Variants in SMIM7 observed in about 807,000 individuals in gnomAD.
SMIM7 encodes small integral membrane protein 7.
SMIM7 carries 12 observed loss-of-function variants against 13.3 expected under a neutral mutation model. The ratio of observed to expected loss-of-function variants is 0.90; its 90% CI spans 0.58 to 1.46. The LOEUF (loss-of-function observed/expected upper bound fraction) is 1.46. SMIM7 is among the 40% of genes most tolerant of loss of function. The probability of loss-of-function intolerance (pLI) is 0.00; values close to 1 mark genes in which losing one functional copy is unlikely to be tolerated. For synonymous variants in SMIM7, 36 were observed against 35.8 expected (o/e 1.01, Z -0.02); for missense variants, 114 against 94.8 (o/e 1.20, Z -0.84).
chr19:16,639,749 G>A (rs1290133898), intron 4 of SMIM7, among the ~76,000 whole-genome samples: 1 of 152,094 alleles, frequency 6.6e-6, no homozygotes, highest in Admixed American at 6.6e-5. Context: ...GTTCTCACGA[G>A]ATCTGATGTT....
chr19:16,635,384 CAG>C (rs1638716219), intron 4 of SMIM7: 2 of 149,574 alleles, frequency 1.3e-5, no homozygotes, highest in South Asian at 4.2e-4. Flanking sequence ...AAAAAAAGTC[CAG>C]CCCAGAGCTC....
intron 2 of SMIM7, 138 bp from the exon 3 acceptor site, chr19:16,659,585 C>A: frequency 1.2e-6 from 1 of 831,946 alleles, no homozygotes; most frequent in South Asian, 1.6e-5. Flanking sequence ...CTCTGACGTT[C>A]AATACCCTTC....
At chr19:16,656,898 C>CAA (rs796950207) in intron 3 of SMIM7, among the ~76,000 whole-genome samples, 2 of 137,346 alleles carry the variant, frequency 1.5e-5, no homozygotes, top group African/African-American at 2.7e-5. Context: ...GGCTCCATCT[C>CAA]AAAAAAAAAA....
intron 4 of SMIM7, among the ~76,000 whole-genome samples, chr19:16,649,143 T>C (rs898620204): frequency 1.3e-5 from 2 of 152,070 alleles, no homozygotes; most frequent in Non-Finnish European, 2.9e-5. Context: ...GAATGTAAAA[T>C]GTCGTAGCTA....
intron 2 of SMIM7, 139 bp downstream of exon 2, chr19:16,659,820 T>G (rs1004008222): frequency 8.9e-7 from 1 of 1,118,818 alleles, no homozygotes; most frequent in African/African-American, 1.6e-5. Context: ...TAAACCAGGC[T>G]GGAGGCGTGC....
intron 4 of SMIM7, 35 bp from the exon 5 acceptor site, chr19:16,647,296 A>C (rs1185910302): frequency 1.2e-6 from 2 of 1,613,344 alleles, no homozygotes. Context: ...GTCTGTGAGG[A>C]TAGGAGGTGA....
chr19:16,645,743 C>T (rs926534430), downstream of SMIM7: 15 of 148,920 alleles, frequency 1.0e-4, no homozygotes, highest in African/African-American at 3.5e-4. Context: ...CTCACTGCAA[C>T]CTCCGCCTCC....
In SMIM7 at chr19:16,637,828, T is replaced by C. The variant is rs1159690946; in HGVS notation, c.*138-6104A>G. 2.6e-5 allele frequency among the ~76,000 whole-genome samples: 4 copies of C among 152,234 alleles called. 1 individual carries two copies. The South Asian group carries it at 8.3e-4, about 31-fold the overall frequency. ...TGGGTCAGACTTTGACCATCTGTTA[T>C]GGACTGAATTGTGTCACCTACCCAT... is the stretch of plus-strand genomic sequence containing the variant. On this transcript the variant is annotated intron_variant and NMD_transcript_variant, in intron 4 of 4. Coordinates refer to the SMIM7 transcript ENST00000465250.
intron 4 of SMIM7, among the ~76,000 whole-genome samples, chr19:16,638,465 G>A (rs554401307): frequency 6.4e-4 from 97 of 151,218 alleles, no homozygotes; most frequent in African/African-American, 2.2e-3. Context: ...CACCATGCCC[G>A]GCTAATTTTT....
rs148539556 is a variant in SMIM7 at position 16,656,474 on chromosome 19, C to T, written c.122-2349G>A. On this transcript the variant is annotated intron_variant, in intron 3 of 4. Transcript: ENST00000487416. ...AGACCGGTGGCTCTGCCCCAACAAG[C>T]ATATGGGGAGGAGAAATACTAAACA... 3.5e-3 allele frequency among the ~76,000 whole-genome samples: 532 copies of T among 152,204 alleles called. 9 individuals carry two copies. Among genetic ancestry groups the T allele is most frequent in the Admixed American group, 0.027 (412 of 15,264 alleles).
At chr19:16,645,595 C>A (rs1280214749), downstream of SMIM7, 1 of 151,978 alleles carries the variant, frequency 6.6e-6, no homozygotes, top group Non-Finnish European at 1.5e-5. Context: ...CAAGAGCCCA[C>A]CATTAGCAAT....
At chr19:16,651,785 C>T (rs1165758725) in intron 4 of SMIM7, among the ~76,000 whole-genome samples, 1 of 148,832 alleles carries the variant, frequency 6.7e-6, no homozygotes, top group Non-Finnish European at 1.5e-5. Flanking sequence ...TTCCCTGCCC[C>T]AGGACCTTTG....
At position 16,647,096 on chromosome 19, in the gene SMIM7, C is replaced by T. The variant is rs554670782; in HGVS notation, c.*150G>A. ...GACGTGGCTGGGAAACCATGCACAC[C>T]TCGGCGAACACTTTTCCACCCACCA... On this transcript the variant is annotated 3_prime_UTR_variant, in exon 5 of 5. Transcript: ENST00000487416. The T allele has an allele frequency of 2.0e-5, 19 of 962,142 alleles. No homozygotes were observed. In the East Asian group the frequency reaches 2.5e-4, roughly 13 times the overall value. The allele number at this position is 962,142 out of a possible 1,614,324, so 59.6% of individuals were successfully genotyped here.
At chr19:16,633,401 A>G (rs2122483587) in intron 4 of SMIM7, among the ~76,000 whole-genome samples, 1 of 148,494 alleles carries the variant, frequency 6.7e-6, no homozygotes, top group Non-Finnish European at 1.5e-5. Context: ...GGTTGCAGTG[A>G]GCTGAGATGG....
rs138532360 is a variant in SMIM7 at position 16,655,884 on chromosome 19, G to C, written c.122-1759C>G. 2.0e-4 allele frequency among the ~76,000 whole-genome samples: 31 copies of C among 152,190 alleles called. No individual in the cohort carries two copies. The East Asian group carries it at 6.0e-3, about 29-fold the overall frequency. ...CTGAACACACCATCTTGCTGAAAAC[G>C]GTTTAGACGAGCCTAGTATTATCTA... On this transcript the variant is annotated intron_variant, in intron 3 of 4. Transcript: ENST00000487416.
intron 3 of SMIM7, among the ~76,000 whole-genome samples, chr19:16,656,567 A>C (rs2086599460): frequency 6.6e-6 from 1 of 151,986 alleles, no homozygotes; most frequent in African/African-American, 2.4e-5. Context: ...GCAGAGACCC[A>C]ACATGGCATG....
intron 4 of SMIM7, among the ~76,000 whole-genome samples, chr19:16,651,969 G>A (rs551534607): frequency 2.2e-4 from 33 of 149,384 alleles, no homozygotes; most frequent in African/African-American, 8.2e-4. Flanking sequence ...TTGCAAAGAC[G>A]AGAATGAGGG....
chr19:16,649,946 G>A (rs1387800801), intron 4 of SMIM7, among the ~76,000 whole-genome samples: 1 of 152,146 alleles, frequency 6.6e-6, no homozygotes, highest in South Asian at 2.1e-4. Flanking sequence ...GGAAGCCGAC[G>A]AGTGGTTGCC....
At chr19:16,651,499 C>T (rs947920298) in intron 4 of SMIM7, among the ~76,000 whole-genome samples, 1 of 152,050 alleles carries the variant, frequency 6.6e-6, no homozygotes. Flanking sequence ...AAAATCAGGA[C>T]CCTGGGCTAC....
Sources: gnomAD v4.1 joint callset for allele counts (sites outside exome capture counted in the v4.1 genomes callset) on GRCh38, gnomAD v4.1.1 for gene constraint, MANE v1.5 for transcripts, NCBI Gene and HGNC (gene_info 2026-07-23, HGNC 2026-07-21) for gene names.